Variants in ZMYM2 observed in about 807,000 individuals in gnomAD.
The protein encoded by ZMYM2 is zinc finger MYM-type containing 2.
ZMYM2 carries 56 observed loss-of-function variants against 162.8 expected under a neutral mutation model. That is an observed-to-expected ratio of 0.34 (90% CI 0.28 to 0.43). The LOEUF is 0.43. ZMYM2 is among the 20% of genes least tolerant of loss of function. The pLI is 1.00. For missense variants in ZMYM2, 1,275 were observed against 1,621.8 expected (o/e 0.79, Z 3.67); for synonymous variants, 510 against 541.6 (o/e 0.94, Z 0.81).
chr13:19,863,987 G>C, the ZMYM2 span: 1 of 152,204 alleles, frequency 6.6e-6, no homozygotes, highest in African/African-American at 2.4e-5. Context: ...GGGGCCCGGG[G>C]CTCTCCGGGA....
chr13:19,873,082 T>C, the ZMYM2 span, among the ~76,000 whole-genome samples: 8 of 152,198 alleles, frequency 5.3e-5, no homozygotes, highest in Non-Finnish European at 1.2e-4. Context: ...TCTCTTTATC[T>C]TTAAATCCTC....
intron 12 of ZMYM2, among the ~76,000 whole-genome samples, chr13:20,050,535 C>A (rs1213152297): frequency 1.3e-5 from 2 of 151,850 alleles, no homozygotes; most frequent in African/African-American, 4.8e-5. Context: ...ATTTCTAGAT[C>A]AGAAACTTAA....
At chr13:19,864,527 C>T in the ZMYM2 span, 1 of 154,874 alleles carries the variant, frequency 6.5e-6, no homozygotes, top group Non-Finnish European at 1.5e-5. Context: ...CCTCCATCAA[C>T]CAAGATGGAG....
intron 2 of ZMYM2, among the ~76,000 whole-genome samples, chr13:19,963,583 G>A (rs1023265321): frequency 1.3e-5 from 2 of 151,942 alleles, no homozygotes; most frequent in Middle Eastern, 3.4e-3. Context: ...AAATCACTTC[G>A]TAGTCTTTGA....
At chr13:19,994,106 G>A (rs971847385) in intron 3 of ZMYM2, among the ~76,000 whole-genome samples, 187 bp downstream of exon 3, 8 of 152,006 alleles carry the variant, frequency 5.3e-5, no homozygotes, top group South Asian at 4.2e-4. Context: ...ATTTTTCTGT[G>A]GATTACTAAA....
intron 11 of ZMYM2, among the ~76,000 whole-genome samples, chr13:20,036,088 G>A (rs886880928): frequency 6.6e-6 from 1 of 152,104 alleles, no homozygotes; most frequent in Non-Finnish European, 1.5e-5. Flanking sequence ...TAACATGTAA[G>A]TCATTCTACT....
At chr13:19,972,486 G>T (rs867308278) in intron 2 of ZMYM2, among the ~76,000 whole-genome samples, 13 of 151,710 alleles carry the variant, frequency 8.6e-5, no homozygotes, top group Admixed American at 2.0e-4. Flanking sequence ...TCACTTAGTG[G>T]TATGTCTTAG....
At chr13:19,924,289 GCACGGTGGCT>G in the ZMYM2 span, among the ~76,000 whole-genome samples, 1 of 152,104 alleles carries the variant, frequency 6.6e-6, no homozygotes, top group South Asian at 2.1e-4. Context: ...TTCCGGCCAG[GCACGGTGGCT>G]CACGCCTGTA....
At chr13:19,930,328 G>C in the ZMYM2 span, among the ~76,000 whole-genome samples, 2 of 151,984 alleles carry the variant, frequency 1.3e-5, no homozygotes, top group African/African-American at 2.4e-5. Flanking sequence ...TTGAACCCAG[G>C]AGGCGAAGGT....
chr13:19,884,773 A>G, the ZMYM2 span, among the ~76,000 whole-genome samples: 1 of 152,064 alleles, frequency 6.6e-6, no homozygotes, highest in Admixed American at 6.6e-5. Flanking sequence ...CATAGTGCCG[A>G]CGCCCCCAAG....
At chr13:20,029,123 A>C (rs1952841681) in intron 9 of ZMYM2, among the ~76,000 whole-genome samples, 1 of 152,240 alleles carries the variant, frequency 6.6e-6, no homozygotes, top group African/African-American at 2.4e-5. Flanking sequence ...GTAGCTTATA[A>C]ATAGAAGTTT....
chr13:20,010,138 G>C (rs1951054621), intron 6 of ZMYM2, among the ~76,000 whole-genome samples: 1 of 152,048 alleles, frequency 6.6e-6, no homozygotes, highest in South Asian at 2.1e-4. Context: ...GGTATCTCAT[G>C]GTTTTGATTT....
At chr13:20,081,649 AAAAC>A (rs1362441227) in intron 21 of ZMYM2, among the ~76,000 whole-genome samples, 1 of 152,198 alleles carries the variant, frequency 6.6e-6, no homozygotes, top group African/African-American at 2.4e-5. Context: ...TATAAGAAAA[AAAAC>A]TAAAAAGAAA....
chr13:19,910,710 C>A, the ZMYM2 span, among the ~76,000 whole-genome samples: 1 of 152,092 alleles, frequency 6.6e-6, no homozygotes, highest in Non-Finnish European at 1.5e-5. Flanking sequence ...CCTGCGATCA[C>A]TCTTCTCTTT....
At chr13:20,039,720 C>T (rs1954062778) in intron 12 of ZMYM2, among the ~76,000 whole-genome samples, 1 of 152,178 alleles carries the variant, frequency 6.6e-6, no homozygotes, top group African/African-American at 2.4e-5. Flanking sequence ...TTGTGATCTG[C>T]CCATCTCAGC....
At chr13:19,914,362 A>G in the ZMYM2 span, among the ~76,000 whole-genome samples, 1 of 152,250 alleles carries the variant, frequency 6.6e-6, no homozygotes, top group African/African-American at 2.4e-5. Context: ...CATTGGGCTC[A>G]TGAACTTAGT....
the ZMYM2 span, among the ~76,000 whole-genome samples, chr13:19,921,926 T>C: frequency 2.6e-5 from 4 of 152,102 alleles, no homozygotes; most frequent in South Asian, 8.3e-4. Context: ...TTTTTTTCCT[T>C]TTTTTGAGAT....
At chr13:19,865,810 G>GA in the ZMYM2 span, among the ~76,000 whole-genome samples, 1 of 151,412 alleles carries the variant, frequency 6.6e-6, no homozygotes, top group African/African-American at 2.4e-5. Flanking sequence ...GAAAATTTAG[G>GA]AAAAAAAAGT....
chr13:20,020,847 G>A (rs778147668), intron 7 of ZMYM2, among the ~76,000 whole-genome samples: 5 of 151,676 alleles, frequency 3.3e-5, no homozygotes, highest in East Asian at 3.9e-4. Context: ...TATGTTTTTC[G>A]TCTCTAAAAG....
Sources: allele counts gnomAD v4.1 joint callset (sites outside exome capture counted in the v4.1 genomes callset), GRCh38; gene constraint gnomAD v4.1.1; transcripts MANE v1.5; gene names NCBI Gene and HGNC (gene_info 2026-07-23, HGNC 2026-07-21).